The following FBLN1 variants were observed in gnomAD, a reference collection of about 807,000 sequenced individuals.
FBLN1 encodes the protein fibulin-1.
A neutral mutation model predicts 89.7 loss-of-function variants in FBLN1; 34 were observed. That is an observed-to-expected ratio of 0.38 (90% CI 0.29 to 0.50). The LOEUF (loss-of-function observed/expected upper bound fraction) is 0.50, where lower values mean the gene tolerates loss of function less well. Ranked by LOEUF, FBLN1 falls within the 20% of genes least tolerant of loss-of-function variation. The pLI, the probability that FBLN1 is intolerant of heterozygous loss-of-function variation, is 0.92. For missense variants in FBLN1, 777 were observed against 988.1 expected, an observed-to-expected ratio of 0.79 and a Z score of 2.86; for synonymous variants, 393 against 391.3, an observed-to-expected ratio of 1.00 and a Z score of -0.05.
rs190912418 is a variant in FBLN1, at chr22:45,540,978, C to T, written c.923-251C>T. ...GCAGGCAGGTCCCGATTTGGCGCAG[C>T]GAACGATGGAGGTGCTGGAGATTTA... On this transcript the variant is annotated intron_variant, in intron 8 of 16. Coordinates refer to ENST00000327858, the MANE Select transcript of FBLN1 (RefSeq NM_006486.3). Among the ~76,000 whole-genome samples, 514 of 152,304 alleles carry T rather than the reference C, an allele frequency of 3.4e-3. 2 individuals carry two copies. The highest frequency in any genetic ancestry group is 0.012 in the African/African-American group (486 of 41,566).
At chr22:45,535,596 G>A (rs944538160) in intron 8 of FBLN1, 3 of 458,694 alleles carry the variant, frequency 6.5e-6, no homozygotes, top group Non-Finnish European at 1.2e-5. Flanking sequence ...GTGTGGCTGT[G>A]TTCCAATAAA....
chr22:45,558,987 G>A (rs531794822), intron 14 of FBLN1, among the ~76,000 whole-genome samples: 3 of 152,292 alleles, frequency 2.0e-5, no homozygotes, highest in East Asian at 1.9e-4. Flanking sequence ...TTGCAGAAGC[G>A]AAATGCGATC....
At chr22:45,511,844 G>T (rs2088105714) in intron 1 of FBLN1, among the ~76,000 whole-genome samples, 2 of 152,158 alleles carry the variant, frequency 1.3e-5, no homozygotes, top group Admixed American at 6.5e-5. Context: ...AACCCGCAGC[G>T]TTGCCTTCCC....
At chr22:45,593,656 C>T (rs1000340986) in intron 16 of FBLN1, among the ~76,000 whole-genome samples, 9 of 152,114 alleles carry the variant, frequency 5.9e-5, no homozygotes, top group African/African-American at 1.7e-4. Flanking sequence ...CCTCTTTGTC[C>T]TGCCTTTTAC....
chr22:45,552,993 G>A (rs1364713233), intron 14 of FBLN1, among the ~76,000 whole-genome samples: 3 of 152,242 alleles, frequency 2.0e-5, no homozygotes, highest in East Asian at 1.9e-4. Flanking sequence ...GCCGCTTCCC[G>A]GGGATGGGAC....
In FBLN1 at chr22:45,597,968, C is replaced by T. The variant is rs1253825723; in HGVS notation, c.1973-2339C>T. Among the ~76,000 whole-genome samples, 1 of 152,144 alleles carries T rather than the reference C, an allele frequency of 6.6e-6. No homozygotes were observed. The highest frequency in any genetic ancestry group is 1.5e-5 in the Non-Finnish European group (1 of 68,026). On this transcript the variant is annotated intron_variant, in intron 16 of 16. Coordinates refer to ENST00000327858, the MANE Select transcript of FBLN1 (RefSeq NM_006486.3). This position sits in a 1 kb window ranked among gnomAD's most constrained non-coding sequence, Gnocchi z 4.2. Reference sequence around the variant, plus strand: ...CTGACCAGGAACCAGCCACTCGTACCGAAGGCCTTCCTGACCCCTCAGTTC... The same window carrying T: ...CTGACCAGGAACCAGCCACTCGTACTGAAGGCCTTCCTGACCCCTCAGTTC...
At chr22:45,543,620 T>C in intron 11 of FBLN1, 94 bp downstream of exon 11, 2 of 1,468,134 alleles carry the variant, frequency 1.4e-6, no homozygotes, top group South Asian at 1.2e-5. Flanking sequence ...AGATCCGCGA[T>C]GGTTTCCCTG....
At chr22:45,528,098 T>C in intron 4 of FBLN1, 89 bp downstream of exon 4, 1 of 1,468,816 alleles carries the variant, frequency 6.8e-7, no homozygotes. Flanking sequence ...AGAGAGATTT[T>C]AAGGACTTGG....
chr22:45,546,369 A>G lies in FBLN1; in HGVS notation c.1322-716A>G, dbSNP rs539012449. Among the ~76,000 whole-genome samples, 12 of 152,154 alleles carry G rather than the reference A, an allele frequency of 7.9e-5. No homozygotes were observed. In the South Asian group the frequency reaches 2.5e-3, roughly 32 times the overall value. On this transcript the variant is annotated intron_variant, in intron 11 of 16. Transcript: ENST00000327858. Reference sequence around the variant, plus strand: ...GAAGTTGTGACTACAGGTGCGTGCCACCATGCCTGGCTAATTCTTGTATTT... The same window carrying G: ...GAAGTTGTGACTACAGGTGCGTGCCGCCATGCCTGGCTAATTCTTGTATTT...
chr22:45,524,118 C>T (rs141021293), intron 2 of FBLN1, among the ~76,000 whole-genome samples: 259 of 152,308 alleles, frequency 1.7e-3, no homozygotes, highest in Non-Finnish European at 3.0e-3. Context: ...TTGAGACACA[C>T]GGGCAGCCGG....
At chr22:45,553,575 G>T (rs1014781375) in intron 14 of FBLN1, among the ~76,000 whole-genome samples, 1 of 152,242 alleles carries the variant, frequency 6.6e-6, no homozygotes, top group Admixed American at 6.5e-5. Flanking sequence ...GATCATTGAA[G>T]CCAGGACTTA....
At chr22:45,503,254 C>T (rs1296731076) in intron 1 of FBLN1, 190 bp downstream of exon 1, 8 of 330,168 alleles carry the variant, frequency 2.4e-5, no homozygotes, top group Non-Finnish European at 4.3e-5. Context: ...TCATCTCCTC[C>T]CCGGCCTGGG....
intron 16 of FBLN1, among the ~76,000 whole-genome samples, chr22:45,594,351 A>G (rs1463808316): frequency 1.3e-5 from 2 of 152,222 alleles, no homozygotes; most frequent in Non-Finnish European, 2.9e-5. Context: ...AGTCCCCACC[A>G]GATGAGGCAC....
At chr22:45,522,804 C>G (rs1342921943) in intron 2 of FBLN1, among the ~76,000 whole-genome samples, 1 of 152,220 alleles carries the variant, frequency 6.6e-6, no homozygotes, top group Non-Finnish European at 1.5e-5. Context: ...AAACCTAAAG[C>G]AAGTCCCAAG....
chr22:45,505,862 C>T (rs531963055), intron 1 of FBLN1, among the ~76,000 whole-genome samples: 1 of 152,166 alleles, frequency 6.6e-6, no homozygotes, highest in Non-Finnish European at 1.5e-5. Flanking sequence ...ACCTCCGCCT[C>T]CCGAGTTGAA....
chr22:45,574,390 A>G lies in FBLN1; in HGVS notation c.1698-121A>G, dbSNP rs1221688141. 5 of 1,042,226 alleles carry G rather than the reference A, an allele frequency of 4.8e-6. No homozygotes were observed. Among genetic ancestry groups the G allele is most frequent in the Middle Eastern group, 4.0e-4 (2 of 4,952 alleles). 64.6% of individuals were successfully genotyped at this position (1,042,226 alleles called of 1,614,324 possible). Reference sequence around the variant, plus strand: ...AGAGACCACTGTCGTTCTCTGATGGAGCTGTCTCTGGGACAGATGCCCCTG... The same window carrying G: ...AGAGACCACTGTCGTTCTCTGATGGGGCTGTCTCTGGGACAGATGCCCCTG... On this transcript the variant is annotated intron_variant, in intron 14 of 16. Transcript: ENST00000327858. The surrounding 1 kb of genome is among the most constrained non-coding windows in gnomAD (Gnocchi z 4.1).
chr22:45,543,961 G>C (rs1323915298), intron 11 of FBLN1, among the ~76,000 whole-genome samples: 1 of 152,226 alleles, frequency 6.6e-6, no homozygotes, highest in African/African-American at 2.4e-5. Context: ...CTGCCTAGGG[G>C]AGACAGGCCT....
chr22:45,521,773 T>C (rs2088254613), intron 2 of FBLN1, among the ~76,000 whole-genome samples: 1 of 152,138 alleles, frequency 6.6e-6, no homozygotes, highest in Non-Finnish European at 1.5e-5. Flanking sequence ...GCAAGGGCTG[T>C]GGATGCGGGG....
rs1183743478 is a variant in FBLN1, at chr22:45,581,835, AG to A, written c.1972+4728del. On this transcript the variant is annotated intron_variant, in intron 16 of 16. Transcript: ENST00000327858. The surrounding 1 kb of genome is among the most constrained non-coding windows in gnomAD (Gnocchi z 7.6). ...ATGAACAGCGCGATGAGAGGCAGGGAGCCAGGAAGGGAGGGCACAGCCTGCG... is the reference window on the plus strand; with the variant it reads ...ATGAACAGCGCGATGAGAGGCAGGGACCAGGAAGGGAGGGCACAGCCTGCG... 1.3e-5 allele frequency among the ~76,000 whole-genome samples: 2 copies of A among 152,006 alleles called. No individual in the cohort carries two copies. Among genetic ancestry groups the A allele is most frequent in the African/African-American group, 4.8e-5 (2 of 41,402 alleles).
Sources: allele counts gnomAD v4.1 joint callset (sites outside exome capture counted in the v4.1 genomes callset), GRCh38; gene constraint gnomAD v4.1.1; non-coding constraint Gnocchi (gnomAD v3.1); transcripts MANE v1.5; gene names NCBI Gene and HGNC (gene_info 2026-07-23, HGNC 2026-07-21).